RAB5A: variants seen among roughly 807,000 people sequenced by gnomAD.
RAB5A encodes the protein RAB5A, member RAS oncogene family.
A neutral mutation model predicts 25.7 loss-of-function variants in RAB5A; 8 were observed. The ratio of observed to expected loss-of-function variants is 0.31; its 90% CI spans 0.18 to 0.56. RAB5A has a LOEUF of 0.56. Ranked by LOEUF, RAB5A falls within the 20% of genes least tolerant of loss-of-function variation. RAB5A has a pLI of 0.91. For missense variants in RAB5A, 192 were observed against 259.7 expected (o/e 0.74, Z 1.79); for synonymous variants, 98 against 89.8 (o/e 1.09, Z -0.52).
chr3:19,959,975 C>T (rs547730294), intron 2 of RAB5A, among the ~76,000 whole-genome samples: 27 of 152,034 alleles, frequency 1.8e-4, no homozygotes, highest in Non-Finnish European at 3.8e-4. Context: ...TGGAGACACA[C>T]TCAGAGGCAC....
At chr3:19,968,117 C>A (rs1696686248) in intron 2 of RAB5A, among the ~76,000 whole-genome samples, 1 of 152,230 alleles carries the variant, frequency 6.6e-6, no homozygotes, top group Admixed American at 6.5e-5. Context: ...TTTTTTATCA[C>A]AAAGCCTCAT....
chr3:19,981,387 T>C (rs148644386), intron 5 of RAB5A, among the ~76,000 whole-genome samples: 1 of 152,042 alleles, frequency 6.6e-6, no homozygotes, highest in African/African-American at 2.4e-5. Context: ...AGGCGGGCTA[T>C]CACCTGAGGT....
chr3:19,963,230 A>G (rs1415920626), intron 2 of RAB5A, among the ~76,000 whole-genome samples: 2 of 151,992 alleles, frequency 1.3e-5, no homozygotes, highest in Non-Finnish European at 2.9e-5. Flanking sequence ...CAGTACATCT[A>G]TATTGTCATA....
At chr3:19,957,660 C>T (rs773237633) in intron 2 of RAB5A, among the ~76,000 whole-genome samples, 4 of 150,688 alleles carry the variant, frequency 2.7e-5, no homozygotes, top group East Asian at 2.0e-4. Flanking sequence ...GAGACTCTGT[C>T]GCGGAGGTTG....
At chr3:19,974,961 T>TA (rs1199808750) in intron 2 of RAB5A, among the ~76,000 whole-genome samples, 1 of 152,094 alleles carries the variant, frequency 6.6e-6, no homozygotes, top group Non-Finnish European at 1.5e-5. Context: ...CTTGGTGGCT[T>TA]ACGCCTGTCA....
intron 2 of RAB5A, among the ~76,000 whole-genome samples, chr3:19,952,596 T>C (rs1417952291): frequency 6.6e-6 from 1 of 152,248 alleles, no homozygotes; most frequent in East Asian, 1.9e-4. Flanking sequence ...TACTACCTCC[T>C]GGCCTTTGTA....
intron 2 of RAB5A, among the ~76,000 whole-genome samples, chr3:19,969,202 G>A (rs1350304382): frequency 6.6e-6 from 1 of 151,754 alleles, no homozygotes; most frequent in Non-Finnish European, 1.5e-5. Flanking sequence ...CCACATCCAC[G>A]TCCGGCTAAT....
chr3:19,982,604 C>T (rs902117020), intron 5 of RAB5A, among the ~76,000 whole-genome samples: 6 of 152,010 alleles, frequency 3.9e-5, no homozygotes, highest in Admixed American at 1.3e-4. Context: ...AGTCCCAGCA[C>T]GTGGGAGTCT....
rs1218856284 is a variant in RAB5A at position 19,967,021 on chromosome 3, G to C, written c.164-8580G>C. 3.3e-5 allele frequency among the ~76,000 whole-genome samples: 5 copies of C among 152,140 alleles called. No homozygotes were observed. In the East Asian group the frequency reaches 9.6e-4, roughly 29 times the overall value. On this transcript the variant is annotated intron_variant, in intron 2 of 5. Coordinates refer to ENST00000273047, the MANE Select transcript of RAB5A (RefSeq NM_004162.5). ...TTGCTCATGCAGATCTTGAACGCCT[G>C]CTTAAGCAGTTCTATTGCCTTGGCC...
In RAB5A at chr3:19,963,367, C is replaced by G. The variant is rs1043042816; in HGVS notation, c.164-12234C>G. Among the ~76,000 whole-genome samples the G allele has an allele frequency of 1.5e-3, 22 of 15,090 alleles. 1 individual carries two copies. The highest frequency in any genetic ancestry group is 3.0e-3 in the Non-Finnish European group (19 of 6,400). 9.9% of individuals were successfully genotyped at this position (15,090 alleles called of 152,430 possible). A position where few individuals can be genotyped will look rare whatever the true frequency, so the allele number is the denominator to read the frequency against. The stretch of plus-strand genomic sequence containing the variant: ...ATAGGGGATATCTTAGAATTTCACC[C>G]CCCCCCCCCCCGACTTATTTTCGTA... On this transcript the variant is annotated intron_variant, in intron 2 of 5. Transcript: ENST00000273047.
At chr3:19,949,666 A>G (rs529034206) in intron 1 of RAB5A, among the ~76,000 whole-genome samples, 3 of 152,356 alleles carry the variant, frequency 2.0e-5, no homozygotes, top group South Asian at 4.1e-4. Context: ...TTCTTCAAAT[A>G]TTCACTAATT....
At chr3:19,960,311 T>A (rs1221292666) in intron 2 of RAB5A, among the ~76,000 whole-genome samples, 1 of 152,008 alleles carries the variant, frequency 6.6e-6, no homozygotes, top group African/African-American at 2.4e-5. Context: ...TTCTAAAGGT[T>A]TTTGTTTTTG....
At chr3:19,969,109 A>G (rs1353567994) in intron 2 of RAB5A, among the ~76,000 whole-genome samples, 1 of 139,092 alleles carries the variant, frequency 7.2e-6, no homozygotes, top group East Asian at 2.1e-4. Context: ...CAAAGGCACG[A>G]TCTTGGCTCA....
At chr3:19,968,301 T>C (rs1191338814) in intron 2 of RAB5A, among the ~76,000 whole-genome samples, 1 of 152,202 alleles carries the variant, frequency 6.6e-6, no homozygotes, top group African/African-American at 2.4e-5. Flanking sequence ...TCTATATTAT[T>C]GTTTCTCTAT....
At chr3:19,956,549 A>C (rs971532112) in intron 2 of RAB5A, among the ~76,000 whole-genome samples, 1 of 152,250 alleles carries the variant, frequency 6.6e-6, no homozygotes, top group Non-Finnish European at 1.5e-5. Flanking sequence ...AGCATGGCCA[A>C]CTAGTTGTTT....
rs1342177581 is a variant in RAB5A at position 19,984,144 on chromosome 3, T to A, written c.*321T>A. ...GGGCCCACACAGTTAACCAGCCCAT[T>A]TCTCCACACTGGTACAGTAGTCACC... On this transcript the variant is annotated 3_prime_UTR_variant, in exon 6 of 6. Transcript: ENST00000273047. 1.2e-5 allele frequency: 5 copies of A among 410,066 alleles called. No individual in the cohort carries two copies. The highest frequency in any genetic ancestry group is 1.1e-4 in the African/African-American group (5 of 44,964). 25.4% of individuals were successfully genotyped at this position (410,066 alleles called of 1,614,324 possible). A position where few individuals can be genotyped will look rare whatever the true frequency, so the allele number is the denominator to read the frequency against.
At chr3:19,975,457 ATTAC>A in intron 2 of RAB5A, 140 bp from the exon 3 acceptor site, 1 of 688,594 alleles carries the variant, frequency 1.5e-6, no homozygotes, top group Admixed American at 3.7e-5. Context: ...CCCCTCATTT[ATTAC>A]TTTTAACTGA....
chr3:19,968,684 C>T (rs1466967530), intron 2 of RAB5A, among the ~76,000 whole-genome samples: 1 of 152,190 alleles, frequency 6.6e-6, no homozygotes, highest in Non-Finnish European at 1.5e-5. Flanking sequence ...TGGTCTCAAA[C>T]TCTGGGCCTC....
chr3:19,981,400 G>A (rs1403898057), intron 5 of RAB5A, among the ~76,000 whole-genome samples: 1 of 152,088 alleles, frequency 6.6e-6, no homozygotes, highest in African/African-American at 2.4e-5. Flanking sequence ...CCTGAGGTCA[G>A]GAGTTGGTCA....
Sources: gnomAD v4.1 joint callset for allele counts (sites outside exome capture counted in the v4.1 genomes callset) on GRCh38, gnomAD v4.1.1 for gene constraint, MANE v1.5 for transcripts, NCBI Gene and HGNC (gene_info 2026-07-23, HGNC 2026-07-21) for gene names.